DPYSL4: variants seen among roughly 807,000 people sequenced by gnomAD.
DPYSL4 encodes the protein dihydropyrimidinase-related protein 4.
Under a neutral mutation model 63.4 loss-of-function variants are expected in DPYSL4, and 43 were observed. That is an observed-to-expected ratio of 0.68 (90% CI 0.53 to 0.88). The LOEUF is 0.88. Ranked by LOEUF, DPYSL4 falls within the 40% of genes least tolerant of loss-of-function variation. The probability of loss-of-function intolerance (pLI) is 0.00; values close to 1 mark genes in which losing one functional copy is unlikely to be tolerated. For synonymous variants in DPYSL4, 353 were observed against 331.7 expected (o/e 1.06, Z -0.70); for missense variants, 733 against 819.5 (o/e 0.89, Z 1.29).
intron 13 of DPYSL4, 47 bp downstream of exon 13, chr10:132,203,974 G>C: frequency 4.5e-6 from 7 of 1,557,838 alleles, no homozygotes; most frequent in Non-Finnish European, 6.1e-6. Flanking sequence ...CTCTGCCGGA[G>C]CATCCAGGGC....
chr10:132,190,579 G>A (rs1003361758), intron 1 of DPYSL4, among the ~76,000 whole-genome samples, 168 bp from the exon 2 acceptor site: 8 of 152,248 alleles, frequency 5.3e-5, no homozygotes, highest in African/African-American at 1.7e-4. Flanking sequence ...TGAGCGCCTG[G>A]TGCCACTTCT....
Position 132,198,842 on chromosome 10 carries a change from C to A in DPYSL4, c.691-9C>A. The A allele has an allele frequency of 1.2e-6, 2 of 1,612,668 alleles. No homozygotes were observed. The highest frequency in any genetic ancestry group is 1.1e-5 in the South Asian group (1 of 91,012). On this transcript the variant is annotated splice_polypyrimidine_tract_variant and intron_variant, in intron 7 of 13. Transcript: ENST00000338492. ...TCGTGTGGCCTCATCCCTCTCATCT[C>A]GTCCCCAGGTGGAGGCTGAGGCGGT...
Position 132,186,994 on chromosome 10 carries a change from T to TCCGGCCCCCCCCCCC in DPYSL4, c.-68_-67insGGCCCCCCCCCCCCC. 2.3e-5 allele frequency: 5 copies of TCCGGCCCCCCCCCCC among 217,362 alleles called. No individual in the cohort carries two copies. The highest frequency in any genetic ancestry group is 2.2e-4 in the South Asian group (3 of 13,400). 13.5% of individuals were successfully genotyped at this position (217,362 alleles called of 1,614,324 possible). On this transcript the variant is annotated 5_prime_UTR_variant, in exon 1 of 14. Transcript: ENST00000338492. The stretch of plus-strand genomic sequence containing the variant: ...CCACGCACGCGTCCCGGCTCACGCG[T>TCCGGCCCCCCCCCCC]CCCCCCGCCCGCCCGCCCGCCCGCC...
chr10:132,188,939 G>A (rs901210023), intron 1 of DPYSL4, among the ~76,000 whole-genome samples: 5 of 152,260 alleles, frequency 3.3e-5, no homozygotes, highest in Admixed American at 6.5e-5. Flanking sequence ...AGACTATGGG[G>A]TAGAGGTTGA....
In DPYSL4 at chr10:132,194,907, C is replaced by G. The variant is rs557197565; in HGVS notation, c.376C>G (p.Arg126Gly). Reference sequence around the variant, plus strand: ...GGCGGCCTACGAGCAGTGGCGGGAGCGGGCGGACAGCGCGGCCTGCTGCGA... The same window carrying G: ...GGCGGCCTACGAGCAGTGGCGGGAGGGGGCGGACAGCGCGGCCTGCTGCGA... ...LLAAYEQWRE[R>G]ADSAACCDYS... Residue 126 changes from arginine to glycine, a missense_variant, in exon 4 of 14, where the codon CGG becomes GGG. Transcript: ENST00000338492. The G allele has an allele frequency of 1.2e-6, 2 of 1,612,512 alleles. No homozygotes were observed. The highest frequency in any genetic ancestry group is 1.7e-5 in the Admixed American group (1 of 60,008).
At position 132,202,116 on chromosome 10, in the gene DPYSL4, G is replaced by T; in HGVS notation, c.1281G>T (p.Leu427=). 6.2e-7 allele frequency: 1 copy of T among 1,610,408 alleles called. No individual in the cohort carries two copies. Residue 427 remains leucine, a splice_region_variant and synonymous_variant, in exon 11 of 14, where the codon CTG becomes CTT. Coordinates refer to ENST00000338492, the MANE Select transcript of DPYSL4 (RefSeq NM_006426.3). ...TCATCTCTGCCAAGACCCACAATCT[G>T]GTAAGAGAAGGCGGCTGTAAGTCAG... ...TKIISAKTHN[L]NVEYNIFEGV...
rs376910321 is a variant in DPYSL4, at chr10:132,203,877, T to C, written c.1577T>C (p.Ile526Thr). Residue 526 changes from isoleucine (I) to threonine (T), a missense_variant, in exon 13 of 14, where the codon ATC (isoleucine) becomes ACC (threonine). By Grantham distance (89) the Ile-to-Thr change is moderately conservative. Coordinates refer to ENST00000338492, the MANE Select transcript of DPYSL4 (RefSeq NM_006426.3). The stretch of plus-strand genomic sequence containing the variant: ...GCCCGCGCGTCCTGCCCAGGCAAGA[T>C]CTCCGTCCCTCCTGTGCGCAACCTA... ...APARASCPGKISVPPVRNLHQ... is the reference protein window; with the variant it reads ...APARASCPGKTSVPPVRNLHQ... The C allele has an allele frequency of 1.9e-6, 3 of 1,612,686 alleles. No individual in the cohort carries two copies. The highest frequency in any genetic ancestry group is 1.3e-5 in the African/African-American group (1 of 74,902).
chr10:132,204,727 G>A (rs1010486693), intron 13 of DPYSL4, 112 bp from the exon 14 acceptor site: 25 of 849,814 alleles, frequency 2.9e-5, no homozygotes, highest in Admixed American at 2.7e-4. Flanking sequence ...GTGTGCGGGG[G>A]CTCTGCAGTC....
At position 132,202,729 on chromosome 10, in the gene DPYSL4, G is replaced by C; in HGVS notation, c.1365G>C (p.Glu455Asp). 1 of 1,613,426 alleles carries C rather than the reference G, an allele frequency of 6.2e-7. No homozygotes were observed. Among genetic ancestry groups the C allele is most frequent in the Non-Finnish European group, 8.5e-7 (1 of 1,179,980 alleles). The change falls in exon 12 of 14, where the codon GAG becomes GAC. Residue 455 changes from glutamate to aspartate, a missense_variant. By Grantham distance (45) the Glu-to-Asp change is conservative. Transcript: ENST00000338492. ...VVISQGRVAL[E>D]DGKMFVTPGA... ...TAAGTCAGGGCCGAGTGGCGCTGGA[G>C]GACGGGAAGATGTTTGTCACCCCGG...
chr10:132,200,801 C>T, intron 9 of DPYSL4, 41 bp from the exon 10 acceptor site: 1 of 1,598,112 alleles, frequency 6.3e-7, no homozygotes, highest in Non-Finnish European at 8.5e-7. Context: ...CCTCTGCCGG[C>T]TCAGGAAGGC....
At chr10:132,194,756 G>A (rs1407387145) in intron 3 of DPYSL4, 89 bp from the exon 4 acceptor site, 1 of 1,530,374 alleles carries the variant, frequency 6.5e-7, no homozygotes, top group Non-Finnish European at 8.9e-7. Context: ...CTGGTCTCTT[G>A]GGAACATGAA....
chr10:132,201,918 C>T (rs1238717941), intron 10 of DPYSL4, 28 bp from the exon 11 acceptor site: 1 of 1,598,232 alleles, frequency 6.3e-7, no homozygotes. Context: ...CCACCCGTCG[C>T]CCTCAGCTCA....
chr10:132,190,717 A>AG (rs1376017242), intron 1 of DPYSL4, 30 bp from the exon 2 acceptor site: 1 of 1,599,894 alleles, frequency 6.3e-7, no homozygotes, highest in Admixed American at 1.7e-5. Context: ...CTCAGTTTGG[A>AG]GAAAAATTAC....
rs986227302 is a variant in DPYSL4 at position 132,201,726 on chromosome 10, G to A, written c.1111-220G>A. Reference sequence around the variant, plus strand: ...CCGTCTTCACGGGGGCCTGGTATCCGTCTTTGTGGGGTCCCAGCGGTCCAG... The same window carrying A: ...CCGTCTTCACGGGGGCCTGGTATCCATCTTTGTGGGGTCCCAGCGGTCCAG... On this transcript the variant is annotated intron_variant, in intron 10 of 13. Coordinates refer to ENST00000338492, the MANE Select transcript of DPYSL4 (RefSeq NM_006426.3). 4.6e-5 allele frequency among the ~76,000 whole-genome samples: 7 copies of A among 152,092 alleles called. No individual in the cohort carries two copies. The East Asian group carries it at 7.7e-4, about 17-fold the overall frequency.
chr10:132,201,907 C>A, intron 10 of DPYSL4, 39 bp from the exon 11 acceptor site: 1 of 1,587,178 alleles, frequency 6.3e-7, no homozygotes, highest in Non-Finnish European at 8.6e-7. Context: ...TCACCCCAAC[C>A]CCACCCGTCG....
At chr10:132,187,460 A>G (rs2061817830) in intron 1 of DPYSL4, among the ~76,000 whole-genome samples, 1 of 151,690 alleles carries the variant, frequency 6.6e-6, no homozygotes, top group Non-Finnish European at 1.5e-5. Flanking sequence ...TGTCCCTCGG[A>G]GCGCTAGCGG....
Position 132,186,994 on chromosome 10 carries a change from T to TCCGGCCCCCCCCCC in DPYSL4, c.-68_-67insGGCCCCCCCCCCCC. The TCCGGCCCCCCCCCC allele has an allele frequency of 4.6e-5, 10 of 217,368 alleles. No homozygotes were observed. The highest frequency in any genetic ancestry group is 1.5e-4 in the South Asian group (2 of 13,404). The allele number at this position is 217,368 out of a possible 1,614,324, so 13.5% of individuals were successfully genotyped here. A position where few individuals can be genotyped will look rare whatever the true frequency, so the allele number is the denominator to read the frequency against. On this transcript the variant is annotated 5_prime_UTR_variant, in exon 1 of 14. Coordinates refer to ENST00000338492, the MANE Select transcript of DPYSL4 (RefSeq NM_006426.3). ...CCACGCACGCGTCCCGGCTCACGCG[T>TCCGGCCCCCCCCCC]CCCCCCGCCCGCCCGCCCGCCCGCC...
chr10:132,196,640 AG>A (rs1432027224), intron 4 of DPYSL4, among the ~76,000 whole-genome samples: 1 of 152,234 alleles, frequency 6.6e-6, no homozygotes, highest in African/African-American at 2.4e-5. Flanking sequence ...GCACAGGAGC[AG>A]GCAAGGAGGG....
At chr10:132,191,420 C>G (rs1156663929) in intron 2 of DPYSL4, among the ~76,000 whole-genome samples, 1 of 127,420 alleles carries the variant, frequency 7.8e-6, no homozygotes, top group Non-Finnish European at 1.7e-5. Context: ...GTTCCCAGCT[C>G]GTGTGTACAC....
Sources: gnomAD v4.1 joint callset for allele counts (sites outside exome capture counted in the v4.1 genomes callset) on GRCh38, gnomAD v4.1.1 for gene constraint, MANE v1.5 for transcripts, NCBI Gene and HGNC (gene_info 2026-07-23, HGNC 2026-07-21) for gene names.